Variants in ABRAXAS1 observed in about 807,000 individuals in gnomAD.
ABRAXAS1 encodes the protein abraxas 1, BRCA1 A complex subunit.
A neutral mutation model predicts 38.4 loss-of-function variants in ABRAXAS1; 26 were observed. The observed-to-expected ratio is 0.68, with a 90% CI of 0.50 to 0.94. ABRAXAS1 has a LOEUF of 0.94. Ranked by LOEUF, ABRAXAS1 falls within the 40% of genes least tolerant of loss-of-function variation. The pLI, the probability that ABRAXAS1 is intolerant of heterozygous loss-of-function variation, is 0.00. For synonymous variants in ABRAXAS1, 144 were observed against 165.5 expected (o/e 0.87, Z 1.00); for missense variants, 438 against 481.9 (o/e 0.91, Z 0.85).
chr4:83,472,154 T>G (rs1722609046), intron 4 of ABRAXAS1, 68 bp downstream of exon 4: 1 of 936,164 alleles, frequency 1.1e-6, no homozygotes, highest in South Asian at 1.7e-5. Flanking sequence ...GTCAAAGTAC[T>G]GTGTGTTTTT....
rs770634632 is a variant in ABRAXAS1 at position 83,484,841 on chromosome 4, G to C, written c.87+145C>G. ...CGAGGCACCTCAGGGACCGCTGAGG[G>C]GGAGAGAAGGCAGAGCCGCGACCGC... On this transcript the variant is annotated intron_variant, in intron 1 of 8. Coordinates refer to ENST00000321945, the MANE Select transcript of ABRAXAS1 (RefSeq NM_139076.3). The C allele has an allele frequency of 8.8e-5, 51 of 578,988 alleles. No individual in the cohort carries two copies. The Middle Eastern group carries it at 2.5e-3, about 29-fold the overall frequency. 35.9% of individuals were successfully genotyped at this position (578,988 alleles called of 1,614,324 possible).
intron 7 of ABRAXAS1, among the ~76,000 whole-genome samples, chr4:83,464,377 TAGTTTTA>T (rs1213336463): frequency 6.6e-6 from 1 of 152,250 alleles, no homozygotes; most frequent in Admixed American, 6.5e-5. Flanking sequence ...TGTGTGTCTT[TAGTTTTA>T]AAAGTATGAA....
At chr4:83,480,940 C>T (rs949037596) in intron 2 of ABRAXAS1, among the ~76,000 whole-genome samples, 4 of 151,978 alleles carry the variant, frequency 2.6e-5, no homozygotes, top group Non-Finnish European at 5.9e-5. Flanking sequence ...AGGCAAGCCT[C>T]GCCAACATAA....
In ABRAXAS1 at chr4:83,460,600, C is replaced by T. The variant is rs183214388; in HGVS notation, c.*1869G>A. On this transcript the variant is annotated 3_prime_UTR_variant, in exon 9 of 9. Transcript: ENST00000321945. Reference sequence around the variant, plus strand: ...CCCTTGACAAAAATGATTTACCAATCCTTGACTTAAAAACTTGTTGAGGCT... The same window carrying T: ...CCCTTGACAAAAATGATTTACCAATTCTTGACTTAAAAACTTGTTGAGGCT... 2.3e-5 allele frequency: 5 copies of T among 213,496 alleles called. No individual in the cohort carries two copies. In the East Asian group the frequency reaches 5.6e-4, roughly 24 times the overall value. The allele number at this position is 213,496 out of a possible 1,614,324, so 13.2% of individuals were successfully genotyped here. A position where few individuals can be genotyped will look rare whatever the true frequency, so the allele number is the denominator to read the frequency against.
chr4:83,465,430 A>G (rs1722318027), intron 7 of ABRAXAS1, among the ~76,000 whole-genome samples: 1 of 152,182 alleles, frequency 6.6e-6, no homozygotes, highest in Non-Finnish European at 1.5e-5. Context: ...TGACTATATC[A>G]AAGTATACAT....
At chr4:83,476,297 T>C (rs1419132363) in intron 3 of ABRAXAS1, among the ~76,000 whole-genome samples, 3 of 151,830 alleles carry the variant, frequency 2.0e-5, no homozygotes, top group African/African-American at 4.8e-5. Flanking sequence ...AATAAAAGGG[T>C]AGAAAAAAGG....
intron 3 of ABRAXAS1, 33 bp downstream of exon 3, chr4:83,476,610 A>C (rs1183607686): frequency 7.0e-7 from 1 of 1,427,690 alleles, no homozygotes; most frequent in Non-Finnish European, 9.9e-7. Context: ...AATTTTCACA[A>C]TGGATCATTT....
In ABRAXAS1 at chr4:83,459,647, TTATATAACCTGAAGGTTG is replaced by T; in HGVS notation, c.*2804_*2821del. ...AATGTGTCTGAAATTTAGTAAAGCT[TTATATAACCTGAAGGTTG>T]TTTTTTGAAATTTACACATTCAGAA... On this transcript the variant is annotated 3_prime_UTR_variant, in exon 9 of 9. Transcript: ENST00000321945. 9.2e-7 allele frequency: 1 copy of T among 1,091,244 alleles called. No homozygotes were observed. 67.6% of individuals were successfully genotyped at this position (1,091,244 alleles called of 1,614,324 possible). A position where few individuals can be genotyped will look rare whatever the true frequency, so the allele number is the denominator to read the frequency against.
At chr4:83,471,458 G>A (rs1199560593) in intron 4 of ABRAXAS1, among the ~76,000 whole-genome samples, 1 of 151,458 alleles carries the variant, frequency 6.6e-6, no homozygotes, top group South Asian at 2.1e-4. Flanking sequence ...TCCGCCCTCC[G>A]CAGCCTACCA....
intron 5 of ABRAXAS1, chr4:83,469,998 T>C (rs1722520850): frequency 4.7e-6 from 2 of 425,700 alleles, no homozygotes; most frequent in Non-Finnish European, 8.3e-6. Context: ...ATACAAGTCA[T>C]CATTCCACAC....
chr4:83,465,155 G>T (rs989732072), intron 7 of ABRAXAS1, among the ~76,000 whole-genome samples: 6 of 151,838 alleles, frequency 4.0e-5, no homozygotes, highest in African/African-American at 1.5e-4. Flanking sequence ...AATTAGCCTG[G>T]CGTAGTGGTG....
chr4:83,462,569 C>T lies in ABRAXAS1; in HGVS notation c.1130G>A (p.Ser377Asn), dbSNP rs1298747950. 5 of 1,614,118 alleles carry T rather than the reference C, an allele frequency of 3.1e-6. No individual in the cohort carries two copies. Among genetic ancestry groups the T allele is most frequent in the African/African-American group, 2.7e-5 (2 of 75,058 alleles). The change falls in exon 9 of 9, where the codon AGT becomes AAT. Residue 377 changes from serine to asparagine, a missense_variant. Coordinates refer to ENST00000321945, the MANE Select transcript of ABRAXAS1 (RefSeq NM_139076.3). ...DKRSKADTGS[S>N]NQDKASKMSS... Reference sequence around the variant, plus strand: ...CATTTTGGATGCTTTATCTTGGTTACTACTACCAGTATCTGCTTTAGATCG... The same window carrying T: ...CATTTTGGATGCTTTATCTTGGTTATTACTACCAGTATCTGCTTTAGATCG...
intron 3 of ABRAXAS1, among the ~76,000 whole-genome samples, chr4:83,476,361 A>G (rs1176401724): frequency 6.6e-6 from 1 of 152,220 alleles, no homozygotes; most frequent in Non-Finnish European, 1.5e-5. Context: ...ATAATATGCA[A>G]TGAGGTGACT....
chr4:83,484,283 G>A (rs1407156800), intron 1 of ABRAXAS1: 19 of 842,988 alleles, frequency 2.3e-5, no homozygotes, highest in African/African-American at 3.7e-5. Flanking sequence ...GCAGGGAAGT[G>A]TATTTCAGAT....
At chr4:83,484,684 T>G in intron 1 of ABRAXAS1, 1 of 291,438 alleles carries the variant, frequency 3.4e-6, no homozygotes, top group South Asian at 1.2e-4. Flanking sequence ...CTTTCCATCT[T>G]TTCACGCCCA....
At chr4:83,464,508 C>T (rs143088140) in intron 7 of ABRAXAS1, among the ~76,000 whole-genome samples, 6 of 152,264 alleles carry the variant, frequency 3.9e-5, no homozygotes, top group African/African-American at 1.4e-4. Flanking sequence ...GGGAGAACAA[C>T]TAATTAGTAA....
intron 7 of ABRAXAS1, among the ~76,000 whole-genome samples, chr4:83,465,401 T>C (rs565974457): frequency 1.3e-5 from 2 of 151,786 alleles, no homozygotes; most frequent in African/African-American, 4.8e-5. Flanking sequence ...TCATGACAAA[T>C]TTATGTCACC....
At position 83,459,769 on chromosome 4, in the gene ABRAXAS1, T is replaced by G; in HGVS notation, c.*2700A>C. 1 of 1,611,040 alleles carries G rather than the reference T, an allele frequency of 6.2e-7. No individual in the cohort carries two copies. The highest frequency in any genetic ancestry group is 1.3e-5 in the African/African-American group (1 of 74,992). The stretch of plus-strand genomic sequence containing the variant: ...TGTCCCAGTTTGTTTCTCCATTTAC[T>G]GGATGCATTTATGGAAGGCACATTA... On this transcript the variant is annotated 3_prime_UTR_variant, in exon 9 of 9. Transcript: ENST00000321945.
At chr4:83,463,379 G>A (rs1722221107) in intron 8 of ABRAXAS1, 115 bp downstream of exon 8, 2 of 625,902 alleles carry the variant, frequency 3.2e-6, no homozygotes, top group African/African-American at 1.9e-5. Context: ...GTTGCAGTAA[G>A]CTGAGATCAC....
Sources: gnomAD v4.1 joint callset for allele counts (sites outside exome capture counted in the v4.1 genomes callset) on GRCh38, gnomAD v4.1.1 for gene constraint, MANE v1.5 for transcripts, NCBI Gene and HGNC (gene_info 2026-07-23, HGNC 2026-07-21) for gene names.